MYO1E: variants seen among roughly 807,000 people sequenced by gnomAD.
MYO1E encodes unconventional myosin-Ie.
A neutral mutation model predicts 151.1 loss-of-function variants in MYO1E; 68 were observed. The ratio of observed to expected loss-of-function variants is 0.45; its 90% confidence interval spans 0.37 to 0.55. The LOEUF (loss-of-function observed/expected upper bound fraction) is 0.55, where lower values mean the gene tolerates loss of function less well. MYO1E is among the 20% of genes least tolerant of loss of function. The pLI is 0.00. For synonymous variants in MYO1E, 601 were observed against 501.7 expected (o/e 1.20, Z -2.64); for missense variants, 1,363 against 1,389.3 (o/e 0.98, Z 0.30).
chr15:59,357,467 C>G (rs2080861312), intron 1 of MYO1E, among the ~76,000 whole-genome samples: 1 of 149,666 alleles, frequency 6.7e-6, no homozygotes, highest in African/African-American at 2.5e-5. Context: ...CTCTGTCGCC[C>G]AGGCTGGAGA....
At chr15:59,213,332 A>C (rs1157734054) in intron 12 of MYO1E, among the ~76,000 whole-genome samples, 1 of 151,798 alleles carries the variant, frequency 6.6e-6, no homozygotes, top group Non-Finnish European at 1.5e-5. Flanking sequence ...CATCACGCCC[A>C]GCTAATTTTT....
At chr15:59,321,730 A>G (rs896612638) in intron 1 of MYO1E, among the ~76,000 whole-genome samples, 4 of 152,182 alleles carry the variant, frequency 2.6e-5, no homozygotes, top group East Asian at 1.9e-4. Flanking sequence ...GTTATACCCC[A>G]TATCTACAAA....
At chr15:59,255,960 A>T (rs1566993512) in intron 4 of MYO1E, among the ~76,000 whole-genome samples, 2 of 152,216 alleles carry the variant, frequency 1.3e-5, no homozygotes, top group Non-Finnish European at 2.9e-5. Flanking sequence ...TTCACCAAAA[A>T]TGTTCAAACA....
chr15:59,319,906 G>C (rs979783262), intron 1 of MYO1E, among the ~76,000 whole-genome samples: 4 of 151,868 alleles, frequency 2.6e-5, no homozygotes, highest in Admixed American at 6.6e-5. Context: ...CCGTCTCAAA[G>C]CAAACAAACA....
At chr15:59,162,659 G>GAAAAAAAAAAAAA (rs56116339) in intron 23 of MYO1E, among the ~76,000 whole-genome samples, 1 of 120,910 alleles carries the variant, frequency 8.3e-6, no homozygotes. Context: ...AAAAAAAAAA[G>GAAAAAAAAAAAAA]AAAAAAAAAA....
chr15:59,254,281 G>A (rs561376352), intron 4 of MYO1E, among the ~76,000 whole-genome samples: 14 of 152,218 alleles, frequency 9.2e-5, no homozygotes, highest in African/African-American at 3.4e-4. Flanking sequence ...TCAAACTCCT[G>A]AGCTCAAGCG....
At chr15:59,217,553 T>A (rs2079927081) in intron 10 of MYO1E, among the ~76,000 whole-genome samples, 1 of 104,472 alleles carries the variant, frequency 9.6e-6, no homozygotes, top group Non-Finnish European at 1.8e-5. Flanking sequence ...GGAGATAGGA[T>A]CTCACTCTAA....
chr15:59,231,625 G>A, intron 6 of MYO1E, 77 bp downstream of exon 6: 3 of 1,451,948 alleles, frequency 2.1e-6, no homozygotes, highest in South Asian at 1.1e-5. Flanking sequence ...CCCATTTCCT[G>A]TGGGATACTA....
Position 59,178,399 on chromosome 15 carries a change from G to C in MYO1E, c.2043C>G (p.Pro681=). The C allele has an allele frequency of 2.5e-6, 4 of 1,614,158 alleles. No homozygotes were observed. Among genetic ancestry groups the C allele is most frequent in the East Asian group, 2.2e-5 (1 of 44,890 alleles). Residue 681 remains proline, a synonymous_variant, in exon 19 of 28, where the codon CCC becomes CCG. Coordinates refer to ENST00000288235, the MANE Select transcript of MYO1E (RefSeq NM_004998.4). ...GAGCCAGCCAAGCACTCACAGACTC[G>C]GGGGCTTTGATGAACACTTTACTCC... ...LGRSKVFIKA[P]ESLFLLEEMR...
At chr15:59,213,314 G>A (rs1372990117) in intron 12 of MYO1E, among the ~76,000 whole-genome samples, 2 of 151,926 alleles carry the variant, frequency 1.3e-5, no homozygotes, top group African/African-American at 4.8e-5. Context: ...GGGTCTACAG[G>A]CACACACCAT....
At chr15:59,271,190 C>A (rs1236043565) in intron 2 of MYO1E, 1 of 152,204 alleles carries the variant, frequency 6.6e-6, no homozygotes, top group Non-Finnish European at 1.5e-5. Context: ...ATGGGATAGG[C>A]AGCCGCTGCA....
intron 1 of MYO1E, among the ~76,000 whole-genome samples, chr15:59,321,441 T>C (rs140620703): frequency 3.9e-4 from 60 of 152,328 alleles, no homozygotes; most frequent in African/African-American, 1.4e-3. Flanking sequence ...TAGGTGCCCA[T>C]CAACAGTGAA....
intron 1 of MYO1E, among the ~76,000 whole-genome samples, chr15:59,356,219 C>G (rs534374165): frequency 6.6e-6 from 1 of 152,290 alleles, no homozygotes; most frequent in African/African-American, 2.4e-5. Context: ...CAGGGACAAG[C>G]CACCTGGCTT....
In MYO1E at chr15:59,196,986, C is replaced by CTTTTTTTTTTTTTTTTTTTTTTTTT; in HGVS notation, c.1699-1420_1699-1419insAAAAAAAAAAAAAAAAAAAAAAAAA. Among the ~76,000 whole-genome samples, 11 of 71,514 alleles carry CTTTTTTTTTTTTTTTTTTTTTTTTT rather than the reference C, an allele frequency of 1.5e-4. 2 individuals are homozygous for CTTTTTTTTTTTTTTTTTTTTTTTTT. Among genetic ancestry groups the CTTTTTTTTTTTTTTTTTTTTTTTTT allele is most frequent in the Non-Finnish European group, 1.7e-4 (7 of 40,624 alleles). 46.9% of individuals were successfully genotyped at this position (71,514 alleles called of 152,430 possible). On this transcript the variant is annotated intron_variant, in intron 16 of 27. Transcript: ENST00000288235. Reference sequence around the variant, plus strand: ...ATTTTAGTTTTGTATTTAATTACGACTTTTTTTTTTTTTTTTTTTTTTTTG... The same window carrying CTTTTTTTTTTTTTTTTTTTTTTTTT: ...ATTTTAGTTTTGTATTTAATTACGACTTTTTTTTTTTTTTTTTTTTTTTTTTTTTTTTTTTTTTTTTTTTTTTTTG...
intron 5 of MYO1E, 148 bp from the exon 6 acceptor site, chr15:59,231,939 T>G: frequency 1.4e-6 from 1 of 719,018 alleles, no homozygotes; most frequent in Non-Finnish European, 2.5e-6. Flanking sequence ...CTGGAGGATT[T>G]ATTCTTTCAC....
intron 4 of MYO1E, among the ~76,000 whole-genome samples, chr15:59,240,993 G>C (rs2080096376): frequency 6.6e-6 from 1 of 152,224 alleles, no homozygotes; most frequent in Admixed American, 6.5e-5. Context: ...TAACACAGTG[G>C]AGATGTGGGT....
chr15:59,208,526 T>C lies in MYO1E; in HGVS notation c.1530+155A>G, dbSNP rs2079855432. 4 of 884,872 alleles carry C rather than the reference T, an allele frequency of 4.5e-6. No homozygotes were observed. The South Asian group carries it at 6.0e-5, about 13-fold the overall frequency. 54.8% of individuals were successfully genotyped at this position (884,872 alleles called of 1,614,324 possible). A position where few individuals can be genotyped will look rare whatever the true frequency, so the allele number is the denominator to read the frequency against. On this transcript the variant is annotated intron_variant, in intron 14 of 27. Transcript: ENST00000288235. Reference sequence around the variant, plus strand: ...GTACATACAAAAAAATGCAGTAGTATATACAATCTTTTGTTTTGCTTCCTT... The same window carrying C: ...GTACATACAAAAAAATGCAGTAGTACATACAATCTTTTGTTTTGCTTCCTT...
chr15:59,182,251 C>A (rs945271590), intron 18 of MYO1E, among the ~76,000 whole-genome samples: 10 of 152,070 alleles, frequency 6.6e-5, no homozygotes, highest in Admixed American at 1.3e-4. Context: ...CCACTCTTGT[C>A]GCCCAGGCTG....
chr15:59,182,537 G>C (rs2079669958), intron 18 of MYO1E, among the ~76,000 whole-genome samples: 1 of 152,114 alleles, frequency 6.6e-6, no homozygotes, highest in South Asian at 2.1e-4. Flanking sequence ...ACCAAGAAAA[G>C]TATGACAACA....
Sources: allele counts gnomAD v4.1 joint callset (sites outside exome capture counted in the v4.1 genomes callset), GRCh38; gene constraint gnomAD v4.1.1; transcripts MANE v1.5; gene names NCBI Gene and HGNC (gene_info 2026-07-23, HGNC 2026-07-21).